Variants in CAMKMT observed in about 807,000 individuals in gnomAD.
CAMKMT encodes the protein CaM KMT.
A neutral mutation model predicts 48.0 loss-of-function variants in CAMKMT; 53 were observed. That is an observed-to-expected ratio of 1.10 (90% CI 0.89 to 1.39). The LOEUF (loss-of-function observed/expected upper bound fraction) is 1.39, where lower values mean the gene tolerates loss of function less well. CAMKMT is among the 40% of genes most tolerant of loss of function. CAMKMT has a pLI of 0.00. For missense variants in CAMKMT, 428 were observed against 402.7 expected, an observed-to-expected ratio of 1.06 and a Z score of -0.54; for synonymous variants, 165 against 152.3, an observed-to-expected ratio of 1.08 and a Z score of -0.61.
chr2:44,705,898 T>C (rs1267925414), intron 4 of CAMKMT, among the ~76,000 whole-genome samples: 1 of 152,206 alleles, frequency 6.6e-6, no homozygotes, highest in Non-Finnish European at 1.5e-5. Context: ...TTTACTTGTC[T>C]AACTGTTTTT....
At chr2:44,639,935 T>G (rs1286076945) in intron 3 of CAMKMT, among the ~76,000 whole-genome samples, 1 of 152,230 alleles carries the variant, frequency 6.6e-6, no homozygotes, top group African/African-American at 2.4e-5. Flanking sequence ...TGACCCCATC[T>G]TGGTTGACCC....
intron 3 of CAMKMT, among the ~76,000 whole-genome samples, chr2:44,427,767 G>A (rs548012138): frequency 2.0e-5 from 3 of 152,010 alleles, no homozygotes; most frequent in East Asian, 1.9e-4. Context: ...GTATTATATT[G>A]AATTTGTGGC....
intron 3 of CAMKMT, among the ~76,000 whole-genome samples, chr2:44,587,451 C>T (rs1006553971): frequency 1.3e-5 from 2 of 148,854 alleles, no homozygotes; most frequent in Admixed American, 1.3e-4. Flanking sequence ...TCCCCCTCCC[C>T]CTCCCCCTGT....
At chr2:44,595,875 A>T (rs1445265258) in intron 3 of CAMKMT, among the ~76,000 whole-genome samples, 1 of 152,072 alleles carries the variant, frequency 6.6e-6, no homozygotes, top group Admixed American at 6.5e-5. Context: ...TCAGCAAACT[A>T]ACACAAGAAG....
intron 3 of CAMKMT, among the ~76,000 whole-genome samples, chr2:44,478,918 C>T (rs1668827583): frequency 6.6e-6 from 1 of 152,102 alleles, no homozygotes; most frequent in Non-Finnish European, 1.5e-5. Flanking sequence ...CCAGGATGGT[C>T]TCGATCTCCT....
chr2:44,385,130 A>G (rs866308220), intron 2 of CAMKMT, among the ~76,000 whole-genome samples: 124 of 151,896 alleles, frequency 8.2e-4, no homozygotes, highest in African/African-American at 2.8e-3. Context: ...TGTGTTTCCA[A>G]TTGTTTGTGT....
rs1428520390 is a variant in CAMKMT at position 44,427,592 on chromosome 2, T to G, written c.376+37287T>G. Among the ~76,000 whole-genome samples, 3 of 151,982 alleles carry G rather than the reference T, an allele frequency of 2.0e-5. 1 individual carries two copies. Among genetic ancestry groups the G allele is most frequent in the Non-Finnish European group, 4.4e-5 (3 of 67,976 alleles). On this transcript the variant is annotated intron_variant, in intron 3 of 10. Coordinates refer to ENST00000378494, the MANE Select transcript of CAMKMT (RefSeq NM_024766.5). ...AGAGGGATGCACATCGAAAACACAA[T>G]GAGATACCAAACCTTAGCACCATAC...
intron 3 of CAMKMT, among the ~76,000 whole-genome samples, chr2:44,702,250 T>TTA (rs1677298459): frequency 6.6e-6 from 1 of 152,202 alleles, no homozygotes; most frequent in Admixed American, 6.5e-5. Flanking sequence ...ACTTTGGTCT[T>TTA]AATAGAGTTA....
intron 3 of CAMKMT, among the ~76,000 whole-genome samples, chr2:44,483,086 A>G (rs1669053337): frequency 6.6e-6 from 1 of 152,174 alleles, no homozygotes; most frequent in African/African-American, 2.4e-5. Context: ...GCTTAGCACT[A>G]TATAAAAATA....
intron 3 of CAMKMT, among the ~76,000 whole-genome samples, chr2:44,686,602 GA>G (rs1212425845): frequency 6.6e-6 from 1 of 152,030 alleles, no homozygotes; most frequent in Admixed American, 6.5e-5. Flanking sequence ...CTTATTTAAA[GA>G]AAAAAAATGC....
intron 3 of CAMKMT, among the ~76,000 whole-genome samples, chr2:44,465,355 T>A (rs1407458132): frequency 2.6e-5 from 4 of 152,138 alleles, no homozygotes; most frequent in Non-Finnish European, 1.5e-5. Context: ...CCCAGCACTT[T>A]GGTAGGCCAA....
chr2:44,539,207 A>T (rs937073731), intron 3 of CAMKMT, among the ~76,000 whole-genome samples: 55 of 147,242 alleles, frequency 3.7e-4, no homozygotes, highest in African/African-American at 1.3e-3. Context: ...CAGGAGGCTG[A>T]GGCCAGAGAA....
At chr2:44,737,889 G>GCT (rs3055010) in intron 7 of CAMKMT, among the ~76,000 whole-genome samples, 58,999 of 146,690 alleles carry the variant, frequency 0.4, 12,131 homozygotes, top group South Asian at 0.56. Context: ...ATGGAGTCTC[G>GCT]CTGTTACCCA....
At chr2:44,487,643 G>C (rs1669277455) in intron 3 of CAMKMT, among the ~76,000 whole-genome samples, 1 of 152,174 alleles carries the variant, frequency 6.6e-6, no homozygotes, top group Admixed American at 6.5e-5. Context: ...CTTTTGTACT[G>C]GTCATTGTGT....
chr2:44,528,989 AGTG>A (rs1171130025), intron 3 of CAMKMT, among the ~76,000 whole-genome samples: 1 of 152,070 alleles, frequency 6.6e-6, no homozygotes, highest in Non-Finnish European at 1.5e-5. Context: ...GGGTTTGCAA[AGTG>A]GTGATATTCT....
chr2:44,736,595 A>AT (rs1022470754), intron 7 of CAMKMT, among the ~76,000 whole-genome samples: 1 of 152,050 alleles, frequency 6.6e-6, no homozygotes, highest in African/African-American at 2.4e-5. Flanking sequence ...TTCTTCAAAT[A>AT]TTTTTTCTGT....
rs957273932 is a variant in CAMKMT, at chr2:44,549,733, G to A, written c.377-154550G>A. ...TCCCCAAAGTCTCAGACTTCAGTAA[G>A]TAAGCCTATGTCCTACATGATGTCT... On this transcript the variant is annotated intron_variant, in intron 3 of 10. Coordinates refer to ENST00000378494, the MANE Select transcript of CAMKMT (RefSeq NM_024766.5). 25 of 517,240 alleles carry A rather than the reference G, an allele frequency of 4.8e-5. No individual in the cohort carries two copies. The South Asian group carries it at 7.7e-4, about 16-fold the overall frequency. The allele number at this position is 517,240 out of a possible 1,614,324, so 32.0% of individuals were successfully genotyped here.
chr2:44,759,631 G>C (rs1211649829), intron 9 of CAMKMT, among the ~76,000 whole-genome samples: 1 of 152,110 alleles, frequency 6.6e-6, no homozygotes, highest in Non-Finnish European at 1.5e-5. Flanking sequence ...CCAGTGCTTG[G>C]TGAGAAGTTA....
chr2:44,426,567 A>C (rs1684288363), intron 3 of CAMKMT, among the ~76,000 whole-genome samples: 1 of 152,218 alleles, frequency 6.6e-6, no homozygotes, highest in Non-Finnish European at 1.5e-5. Context: ...GAACCAAAAC[A>C]AGAATGCAGT....
Sources: allele counts gnomAD v4.1 joint callset (sites outside exome capture counted in the v4.1 genomes callset), GRCh38; gene constraint gnomAD v4.1.1; transcripts MANE v1.5; gene names NCBI Gene and HGNC (gene_info 2026-07-23, HGNC 2026-07-21).